Variants in DST observed in about 807,000 individuals in gnomAD.
DST encodes dystonin.
DST carries 253 observed loss-of-function variants against 875.2 expected under a neutral mutation model. The ratio of observed to expected loss-of-function variants is 0.29; its 90% CI spans 0.26 to 0.32. DST has a LOEUF of 0.32. DST is among the 10% of genes least tolerant of loss of function. DST has a pLI of 1.00. For synonymous variants in DST, 3,124 were observed against 3,197.1 expected (o/e 0.98, Z 0.77); for missense variants, 8,287 against 9,111.6 (o/e 0.91, Z 3.68).
At chr6:56,543,402 A>C (rs1432653106) in intron 61 of DST, among the ~76,000 whole-genome samples, 1 of 152,200 alleles carries the variant, frequency 6.6e-6, no homozygotes, top group Non-Finnish European at 1.5e-5. Context: ...CATGAATATT[A>C]GTAGTTACTA....
chr6:56,607,477 C>T lies in DST; in HGVS notation c.7151G>A (p.Cys2384Tyr). The change falls in exon 40 of 104, where the codon TGT becomes TAT. Residue 2384 changes from cysteine to tyrosine, a missense_variant. This residue lies in a region of DST where 3,138 missense variants were observed against 3,116.6 expected (regional missense o/e 1.01). Transcript: ENST00000680361. ...GTTTTGAATGTTTTTAGAATGACTACATTCATTTGCACGTTCATTTGTTTC... is the reference window on the plus strand; with the variant it reads ...GTTTTGAATGTTTTTAGAATGACTATATTCATTTGCACGTTCATTTGTTTC... ...RVETNERANE[C>Y]SHSKNIQNFP... 6.3e-7 allele frequency: 1 copy of T among 1,598,116 alleles called. No individual in the cohort carries two copies. Among genetic ancestry groups the T allele is most frequent in the Admixed American group, 1.7e-5 (1 of 57,180 alleles).
Position 56,501,209 on chromosome 6 carries a change from G to A in DST, c.19767C>T (p.Ala6589=), listed in dbSNP as rs746099944. The A allele has an allele frequency of 1.2e-6, 2 of 1,605,304 alleles. No individual in the cohort carries two copies. Among genetic ancestry groups the A allele is most frequent in the Non-Finnish European group, 1.7e-6 (2 of 1,177,214 alleles). ...CCAGGGCATGTTGGAACTGACCCAA[G>A]GCTAATAGAGCACCCTCCAGTTTAT... ...RQHKLEGALL[A]LGQFQHALDE... is the part of the protein sequence containing the mutation. Residue 6589 remains alanine, a synonymous_variant, in exon 80 of 104, where the codon GCC becomes GCT. Coordinates refer to ENST00000680361, the MANE Select transcript of DST (RefSeq NM_001374736.1).
At chr6:56,953,840 T>A in intron 1 of DST, 21 bp from the exon 2 acceptor site, 1 of 1,308,480 alleles carries the variant, frequency 7.6e-7, no homozygotes, top group Admixed American at 2.3e-5. Context: ...AAGAGATAAA[T>A]GAGACTTCAT....
chr6:56,547,619 T>C (rs1259848917), intron 61 of DST, among the ~76,000 whole-genome samples: 1 of 152,222 alleles, frequency 6.6e-6, no homozygotes. Flanking sequence ...TATAACAATA[T>C]GAACACTTTA....
chr6:56,503,810 ATTTC>A (rs2096226267), intron 78 of DST, among the ~76,000 whole-genome samples, 183 bp downstream of exon 78: 1 of 152,160 alleles, frequency 6.6e-6, no homozygotes, highest in African/African-American at 2.4e-5. Flanking sequence ...TATTAATAGT[ATTTC>A]TTTCCTTTAT....
At chr6:56,523,122 G>C (rs1032100507) in intron 69 of DST, among the ~76,000 whole-genome samples, 3 of 151,944 alleles carry the variant, frequency 2.0e-5, no homozygotes, top group African/African-American at 7.3e-5. Flanking sequence ...GTAATGAATG[G>C]GCCCAACTAC....
At chr6:56,641,830 T>C in intron 17 of DST, 117 bp downstream of exon 17, 2 of 842,188 alleles carry the variant, frequency 2.4e-6, no homozygotes, top group Admixed American at 3.3e-5. Flanking sequence ...CATTTTCAAC[T>C]AAAAAACAGC....
At chr6:56,464,798 C>T (rs1230813011) in intron 99 of DST, 42 bp from the exon 100 acceptor site, 1 of 1,433,318 alleles carries the variant, frequency 7.0e-7, no homozygotes, top group South Asian at 1.2e-5. Flanking sequence ...TTAAAGAATA[C>T]TGTTAGCAGA....
At chr6:56,623,841 C>T (rs1261680291) in intron 36 of DST, among the ~76,000 whole-genome samples, 3 of 151,928 alleles carry the variant, frequency 2.0e-5, no homozygotes, top group African/African-American at 7.2e-5. Context: ...TAAATAAGTC[C>T]TTACTCTTCC....
At position 56,900,875 on chromosome 6, in the gene DST, C is replaced by CA. The variant is rs539371079; in HGVS notation, c.217-255dup. ...TGTTCTTAATTGAGTAAAGCCAGTCCAAAAAAAAAAAAAAAAGGAGGGAAA... is the reference window on the plus strand; with the variant it reads ...TGTTCTTAATTGAGTAAAGCCAGTCCAAAAAAAAAAAAAAAAAGGAGGGAAA... On this transcript the variant is annotated intron_variant, in intron 2 of 103. Transcript: ENST00000680361. Among the ~76,000 whole-genome samples the CA allele has an allele frequency of 0.3, 28,811 of 95,872 alleles. 3,267 individuals are homozygous for CA. The highest frequency in any genetic ancestry group is 0.38 in the Middle Eastern group (66 of 172). 62.9% of individuals were successfully genotyped at this position (95,872 alleles called of 152,430 possible).
Position 56,629,302 on chromosome 6 carries a change from C to T in DST, c.4423G>A (p.Ala1475Thr). 6.2e-7 allele frequency: 1 copy of T among 1,613,702 alleles called. No individual in the cohort carries two copies. Among genetic ancestry groups the T allele is most frequent in the Non-Finnish European group, 8.5e-7 (1 of 1,179,760 alleles). The change falls in exon 32 of 104, where the codon GCA (alanine) becomes ACA (threonine). Residue 1475 changes from alanine (A) to threonine (T), a missense_variant. This residue lies in a region of DST where 3,138 missense variants were observed against 3,116.6 expected (regional missense o/e 1.01). Coordinates refer to ENST00000680361, the MANE Select transcript of DST (RefSeq NM_001374736.1). The stretch of plus-strand genomic sequence containing the variant: ...TGCCACCTTTCAACTAATTGATCTG[C>T]TTTTTCTTTGTGCCAGTCAAAATCA... ...DLDFDWHKEK[A>T]DQLVERWQNV... is the part of the protein sequence containing the mutation.
At chr6:56,861,673 C>A (rs1330319188) in intron 3 of DST, among the ~76,000 whole-genome samples, 2 of 152,156 alleles carry the variant, frequency 1.3e-5, no homozygotes, top group Non-Finnish European at 2.9e-5. Context: ...TTGCTTTACC[C>A]CTAGAGGAAG....
chr6:56,709,367 C>A (rs912128926), intron 5 of DST, among the ~76,000 whole-genome samples: 1 of 152,188 alleles, frequency 6.6e-6, no homozygotes, highest in Admixed American at 6.5e-5. Flanking sequence ...TCTGTATTAC[C>A]TAAATGGCTT....
At chr6:56,614,511 T>C (rs1230707350) in intron 36 of DST, 27 bp from the exon 37 acceptor site, 1 of 1,568,038 alleles carries the variant, frequency 6.4e-7, no homozygotes, top group Non-Finnish European at 8.6e-7. Context: ...GTAAGAAAAA[T>C]ATACACTGCA....
At chr6:56,880,979 C>T (rs1254836938) in intron 3 of DST, among the ~76,000 whole-genome samples, 2 of 150,018 alleles carry the variant, frequency 1.3e-5, no homozygotes, top group African/African-American at 4.9e-5. Context: ...TCCCGAGTAG[C>T]TGGGACTACA....
intron 4 of DST, among the ~76,000 whole-genome samples, chr6:56,820,676 G>C (rs1446881551): frequency 6.6e-6 from 1 of 152,024 alleles, no homozygotes; most frequent in African/African-American, 2.4e-5. Context: ...ATGAAAAACT[G>C]CTATAAAATC....
At position 56,515,653 on chromosome 6, in the gene DST, C is replaced by T. The variant is rs530821760; in HGVS notation, c.18373G>A (p.Val6125Ile). 66 of 1,604,848 alleles carry T rather than the reference C, an allele frequency of 4.1e-5. No homozygotes were observed. The African/African-American group carries it at 8.3e-4, about 20-fold the overall frequency. The change falls in exon 72 of 104, where the codon GTA becomes ATA. Residue 6125 changes from valine (V) to isoleucine (I), a missense_variant. Physicochemically the swap from Val to Ile is conservative, Grantham distance 29. Coordinates refer to ENST00000680361, the MANE Select transcript of DST (RefSeq NM_001374736.1). ...CAGATGGTATCATAGTTCTTCAGTACCTTGTCCAGTTTTTTCTAGAAAATA... is the reference window on the plus strand; with the variant it reads ...CAGATGGTATCATAGTTCTTCAGTATCTTGTCCAGTTTTTTCTAGAAAATA... Reference protein sequence around the residue: ...KQSMKKKLDKVLKNYDTICQI... With the variant: ...KQSMKKKLDKILKNYDTICQI...
intron 4 of DST, among the ~76,000 whole-genome samples, chr6:56,780,681 G>C (rs1381662030): frequency 1.3e-5 from 2 of 151,326 alleles, no homozygotes; most frequent in African/African-American, 4.9e-5. Context: ...TAGGTTGCCT[G>C]TTCACTCTGA....
intron 4 of DST, among the ~76,000 whole-genome samples, chr6:56,740,588 T>C (rs956699280): frequency 1.2e-4 from 19 of 152,342 alleles, no homozygotes; most frequent in African/African-American, 3.4e-4. Flanking sequence ...CCAACTCTTA[T>C]GTTTCCCTAC....
Sources: gnomAD v4.1 joint callset for allele counts (sites outside exome capture counted in the v4.1 genomes callset) on GRCh38, gnomAD v4.1.1 for gene constraint, gnomAD v4.1.1 regional missense constraint, MANE v1.5 for transcripts, NCBI Gene and HGNC (gene_info 2026-07-23, HGNC 2026-07-21) for gene names.